The following ADAMTS9 variants were observed in gnomAD, a reference collection of about 807,000 sequenced individuals.
ADAMTS9 encodes the protein A disintegrin and metalloproteinase with thrombospondin motifs 9.
ADAMTS9 carries 107 observed loss-of-function variants against 257.1 expected under a neutral mutation model. That is an observed-to-expected ratio of 0.42 (90% CI 0.36 to 0.49). The LOEUF is 0.49. Ranked by LOEUF, ADAMTS9 falls within the 20% of genes least tolerant of loss-of-function variation. The pLI is 0.03. For missense variants in ADAMTS9, 2,353 were observed against 2,469.1 expected, an observed-to-expected ratio of 0.95 and a Z score of 1.00; for synonymous variants, 982 against 880.9, an observed-to-expected ratio of 1.11 and a Z score of -2.03.
intron 31 of ADAMTS9, among the ~76,000 whole-genome samples, chr3:64,548,600 G>GT (rs1293643828): frequency 6.6e-6 from 1 of 151,696 alleles, no homozygotes; most frequent in Non-Finnish European, 1.5e-5. Context: ...TTTATGTGGG[G>GT]GGGAGCCCAG....
intron 38 of ADAMTS9, among the ~76,000 whole-genome samples, chr3:64,524,684 C>T (rs1342768552): frequency 6.6e-6 from 1 of 152,158 alleles, no homozygotes; most frequent in East Asian, 1.9e-4. Flanking sequence ...ACAAATATAC[C>T]ATTGATTTTG....
intron 37 of ADAMTS9, among the ~76,000 whole-genome samples, chr3:64,533,630 C>G (rs746281983): frequency 6.6e-6 from 1 of 152,222 alleles, no homozygotes; most frequent in Non-Finnish European, 1.5e-5. Flanking sequence ...TGATGTTGCT[C>G]ACAATTATCA....
rs1700921437 is a variant in ADAMTS9, at chr3:64,651,102, G to T, written c.1378C>A (p.His460Asn). Residue 460 changes from histidine to asparagine, a missense_variant, in exon 9 of 40, where the codon CAT (histidine) becomes AAT (asparagine). Physicochemically the swap from His to Asn is moderately conservative, Grantham distance 68. This residue lies in a region of ADAMTS9 where 360 missense variants were observed against 458.1 expected (regional missense o/e 0.79). Coordinates refer to ENST00000498707, the MANE Select transcript of ADAMTS9 (RefSeq NM_182920.2). ...AAGTTCAGTGTTGGAGCCATGACAT[G>T]CTGGGGACTCTTAACTCCTTCTTCT... ...CKEEGVKSPQHVMAPTLNFYT... is the reference protein window; with the variant it reads ...CKEEGVKSPQNVMAPTLNFYT... 3.1e-6 allele frequency: 5 copies of T among 1,606,932 alleles called. No individual in the cohort carries two copies. The highest frequency in any genetic ancestry group is 4.2e-6 in the Non-Finnish European group (5 of 1,177,580).
intron 28 of ADAMTS9, among the ~76,000 whole-genome samples, chr3:64,591,184 T>TA (rs1419211852): frequency 6.6e-6 from 1 of 152,130 alleles, no homozygotes; most frequent in Admixed American, 6.5e-5. Flanking sequence ...CTCATGTCTG[T>TA]AATCTCAGAA....
intron 39 of ADAMTS9, among the ~76,000 whole-genome samples, chr3:64,519,525 T>C (rs77279126): frequency 0.015 from 2,257 of 152,276 alleles, 46 homozygotes; most frequent in African/African-American, 0.052. Context: ...ATATCCCTGA[T>C]GAACATTGAC....
rs375993047 is a variant in ADAMTS9 at position 64,615,273 on chromosome 3, T to A, written c.3189+48A>T. The A allele has an allele frequency of 3.8e-6, 6 of 1,592,722 alleles. No homozygotes were observed. The African/African-American group carries it at 8.1e-5, about 21-fold the overall frequency. The stretch of plus-strand genomic sequence containing the variant: ...TTAAACAGATAGAGAGCACCAGAAC[T>A]AGAATGTAAGAGATGACCTAGGGGA... On this transcript the variant is annotated intron_variant, in intron 21 of 39. Coordinates refer to ENST00000498707, the MANE Select transcript of ADAMTS9 (RefSeq NM_182920.2).
At chr3:64,556,637 A>G (rs2083336978) in intron 30 of ADAMTS9, among the ~76,000 whole-genome samples, 1 of 152,048 alleles carries the variant, frequency 6.6e-6, no homozygotes, top group South Asian at 2.1e-4. Context: ...ACTGTTCTAA[A>G]AGTCATTTTA....
chr3:64,573,480 C>T (rs2106706133), intron 28 of ADAMTS9, among the ~76,000 whole-genome samples: 1 of 152,306 alleles, frequency 6.6e-6, no homozygotes, highest in East Asian at 1.9e-4. Flanking sequence ...TTTTTGACAA[C>T]AGATGGCTAA....
chr3:64,580,409 A>G (rs1559775300), intron 28 of ADAMTS9, among the ~76,000 whole-genome samples: 2 of 152,230 alleles, frequency 1.3e-5, no homozygotes, highest in East Asian at 3.9e-4. Flanking sequence ...AATCATAGCC[A>G]CCCTCCTGCA....
intron 11 of ADAMTS9, among the ~76,000 whole-genome samples, chr3:64,642,768 G>C (rs1395317027): frequency 6.6e-6 from 1 of 152,232 alleles, no homozygotes; most frequent in African/African-American, 2.4e-5. Flanking sequence ...GTGGCCACAG[G>C]AGGGTGACGC....
intron 37 of ADAMTS9, among the ~76,000 whole-genome samples, chr3:64,538,133 A>G (rs2083072858): frequency 6.6e-6 from 1 of 152,206 alleles, no homozygotes; most frequent in Admixed American, 6.5e-5. Flanking sequence ...CAGAGCCGCA[A>G]GCCTTGGTCC....
chr3:64,638,964 T>A (rs891105038), intron 12 of ADAMTS9, among the ~76,000 whole-genome samples: 5 of 152,162 alleles, frequency 3.3e-5, no homozygotes, highest in Non-Finnish European at 7.3e-5. Context: ...TAAGGGCTCG[T>A]CGAACTGACA....
At chr3:64,529,129 G>A (rs769927559) in intron 38 of ADAMTS9, among the ~76,000 whole-genome samples, 12 of 152,178 alleles carry the variant, frequency 7.9e-5, no homozygotes, top group Admixed American at 1.3e-4. Context: ...AGCACAGCTG[G>A]GAGGAAGACA....
At chr3:64,572,459 T>C (rs180836169) in intron 28 of ADAMTS9, among the ~76,000 whole-genome samples, 1 of 152,308 alleles carries the variant, frequency 6.6e-6, no homozygotes, top group African/African-American at 2.4e-5. Flanking sequence ...TTTGGTGTGC[T>C]GTCTCTGGTT....
chr3:64,524,061 C>T (rs1367101266), intron 38 of ADAMTS9, among the ~76,000 whole-genome samples: 1 of 152,036 alleles, frequency 6.6e-6, no homozygotes, highest in Non-Finnish European at 1.5e-5. Flanking sequence ...TCACAAGTAA[C>T]GTTAGATTGT....
intron 3 of ADAMTS9, among the ~76,000 whole-genome samples, chr3:64,663,106 G>C (rs540587194): frequency 6.6e-6 from 1 of 152,152 alleles, no homozygotes; most frequent in African/African-American, 2.4e-5. Flanking sequence ...GATGGAGTGG[G>C]GAGATGGGAG....
chr3:64,520,663 G>A (rs1559743952), intron 39 of ADAMTS9, among the ~76,000 whole-genome samples: 1 of 151,940 alleles, frequency 6.6e-6, no homozygotes, highest in Non-Finnish European at 1.5e-5. Flanking sequence ...TAACCAACTG[G>A]ACTTCAACAC....
intron 3 of ADAMTS9, among the ~76,000 whole-genome samples, chr3:64,677,595 G>A (rs371658574): frequency 1.4e-4 from 21 of 151,926 alleles, no homozygotes; most frequent in African/African-American, 4.8e-4. Flanking sequence ...TCCTCATTGT[G>A]GTGTTTTGTT....
Position 64,633,756 on chromosome 3 carries a change from C to T in ADAMTS9, c.1980G>A (p.Lys660=), listed in dbSNP as rs752440069. ...RDEQCAHFDG[K]HFNINGLLPN... is the part of the protein sequence containing the mutation. Reference sequence around the variant, plus strand: ...GAAGCAGACCGTTGATGTTAAAATGCTTCCCGTCAAAGTGAGCACACTGTT... The same window carrying T: ...GAAGCAGACCGTTGATGTTAAAATGTTTCCCGTCAAAGTGAGCACACTGTT... Residue 660 remains lysine, a synonymous_variant, in exon 13 of 40, where the codon AAG becomes AAA. Transcript: ENST00000498707. 6 of 1,613,720 alleles carry T rather than the reference C, an allele frequency of 3.7e-6. No homozygotes were observed. Among genetic ancestry groups the T allele is most frequent in the Non-Finnish European group, 5.1e-6 (6 of 1,179,992 alleles).
Sources: gnomAD v4.1 joint callset for allele counts (sites outside exome capture counted in the v4.1 genomes callset) on GRCh38, gnomAD v4.1.1 for gene constraint, gnomAD v4.1.1 regional missense constraint, MANE v1.5 for transcripts, NCBI Gene and HGNC (gene_info 2026-07-23, HGNC 2026-07-21) for gene names.